Variants in MACROD2 observed in about 807,000 individuals in gnomAD.
The protein encoded by MACROD2 is mono-ADP ribosylhydrolase 2.
In MACROD2, 36 loss-of-function variants were observed where a neutral mutation model predicts 70.4. The ratio of observed to expected loss-of-function variants is 0.51; its 90% CI spans 0.39 to 0.68. MACROD2 has a LOEUF of 0.68. Among genes scored for constraint, MACROD2 ranks in the 30% least tolerant of loss-of-function variants. MACROD2 has a pLI of 0.00. For missense variants in MACROD2, 496 were observed against 538.4 expected (o/e 0.92, Z 0.78); for synonymous variants, 172 against 178.8 (o/e 0.96, Z 0.30).
At chr20:15,866,194 T>G (rs1448739199) in intron 9 of MACROD2, among the ~76,000 whole-genome samples, 1 of 152,132 alleles carries the variant, frequency 6.6e-6, no homozygotes, top group Non-Finnish European at 1.5e-5. Context: ...CAGGCTAGCC[T>G]GGGCAACATA....
chr20:15,756,841 G>A (rs1568543463), intron 8 of MACROD2, among the ~76,000 whole-genome samples: 1 of 152,168 alleles, frequency 6.6e-6, no homozygotes, highest in Non-Finnish European at 1.5e-5. Flanking sequence ...TCCAAGTTTG[G>A]ATAATTTTAG....
intron 8 of MACROD2, among the ~76,000 whole-genome samples, chr20:15,563,633 A>G (rs1434635632): frequency 6.6e-6 from 1 of 152,250 alleles, no homozygotes; most frequent in African/African-American, 2.4e-5. Context: ...GTTTAAAAGA[A>G]AAATGCATTT....
intron 6 of MACROD2, among the ~76,000 whole-genome samples, chr20:15,323,190 C>T (rs2077891215): frequency 6.6e-6 from 1 of 152,196 alleles, no homozygotes; most frequent in African/African-American, 2.4e-5. Flanking sequence ...TCTTGACAAA[C>T]AGCCAAATTT....
intron 5 of MACROD2, among the ~76,000 whole-genome samples, chr20:14,804,528 A>G (rs2072615712): frequency 6.6e-6 from 1 of 152,038 alleles, no homozygotes; most frequent in Non-Finnish European, 1.5e-5. Flanking sequence ...ACATAGGTCC[A>G]TGGAAAACAG....
intron 8 of MACROD2, among the ~76,000 whole-genome samples, chr20:15,743,036 T>C (rs1296616149): frequency 6.6e-6 from 1 of 152,222 alleles, no homozygotes; most frequent in Non-Finnish European, 1.5e-5. Context: ...TTTATTAACT[T>C]TAACATTTCA....
rs576975911 is a variant in MACROD2, at chr20:15,811,277, G to C, written c.646-51468G>C. Among the ~76,000 whole-genome samples, 897 of 151,598 alleles carry C rather than the reference G, an allele frequency of 5.9e-3. 9 individuals are homozygous for C. Among genetic ancestry groups the C allele is most frequent in the Non-Finnish European group, 9.9e-3 (670 of 67,886 alleles). On this transcript the variant is annotated intron_variant, in intron 8 of 17. Transcript: ENST00000684519. ...ACAACCCCATCAAAAAGTGGGCAAA[G>C]GATATGAACAGACACTTCTCAAAAG...
At chr20:15,633,219 G>GT (rs11478505) in intron 8 of MACROD2, among the ~76,000 whole-genome samples, 19 of 151,008 alleles carry the variant, frequency 1.3e-4, no homozygotes, top group African/African-American at 3.4e-4. Flanking sequence ...AAGAGGACTA[G>GT]TTTTTTTTTT....
chr20:15,803,166 T>C (rs1038958554), intron 8 of MACROD2, among the ~76,000 whole-genome samples: 6 of 152,084 alleles, frequency 3.9e-5, no homozygotes, highest in African/African-American at 1.5e-4. Flanking sequence ...CCTATGAGGC[T>C]AGCATCACTC....
chr20:14,344,872 C>A (rs2083048051), intron 3 of MACROD2, among the ~76,000 whole-genome samples: 1 of 152,146 alleles, frequency 6.6e-6, no homozygotes, highest in African/African-American at 2.4e-5. Context: ...ACTGTTTGAG[C>A]AGCTTTGGAT....
intron 8 of MACROD2, among the ~76,000 whole-genome samples, chr20:15,715,521 TAATC>T (rs551069224): frequency 5.3e-5 from 8 of 152,280 alleles, no homozygotes; most frequent in African/African-American, 9.6e-5. Flanking sequence ...CATAAAAAGA[TAATC>T]AAGGCTCCAT....
At chr20:14,756,628 CT>C (rs1046384483) in intron 5 of MACROD2, among the ~76,000 whole-genome samples, 1 of 152,088 alleles carries the variant, frequency 6.6e-6, no homozygotes, top group African/African-American at 2.4e-5. Context: ...CAATCTTGAT[CT>C]AATGAGGCTT....
At chr20:15,945,432 C>A (rs895350273) in intron 12 of MACROD2, among the ~76,000 whole-genome samples, 1 of 152,162 alleles carries the variant, frequency 6.6e-6, no homozygotes, top group Non-Finnish European at 1.5e-5. Context: ...GATAAACAAG[C>A]ACTTTTTTTC....
intron 5 of MACROD2, among the ~76,000 whole-genome samples, chr20:15,070,459 C>T (rs536184309): frequency 2.6e-5 from 4 of 152,184 alleles, no homozygotes; most frequent in African/African-American, 7.2e-5. Flanking sequence ...GCCTGGATAT[C>T]TGTCCTCTCC....
intron 3 of MACROD2, among the ~76,000 whole-genome samples, chr20:14,231,428 T>C (rs2081811573): frequency 6.6e-6 from 1 of 152,232 alleles, no homozygotes; most frequent in Non-Finnish European, 1.5e-5. Context: ...CTGAGAATGA[T>C]GGTTTCCAGC....
At chr20:15,162,094 C>T (rs1301672347) in intron 5 of MACROD2, among the ~76,000 whole-genome samples, 1 of 151,940 alleles carries the variant, frequency 6.6e-6, no homozygotes, top group African/African-American at 2.4e-5. Flanking sequence ...GACTAAATAT[C>T]GTGAAGAGTC....
At chr20:15,219,900 A>C (rs1420168343) in intron 5 of MACROD2, among the ~76,000 whole-genome samples, 1 of 151,662 alleles carries the variant, frequency 6.6e-6, no homozygotes, top group East Asian at 1.9e-4. Flanking sequence ...AAAATGAGCA[A>C]TATGCAGATG....
chr20:15,464,678 C>A (rs1191039688), intron 7 of MACROD2, among the ~76,000 whole-genome samples: 1 of 152,266 alleles, frequency 6.6e-6, no homozygotes, highest in East Asian at 1.9e-4. Flanking sequence ...ATCATCTGAC[C>A]CTTATGTACC....
At chr20:15,967,684 A>C in intron 13 of MACROD2, 54 bp downstream of exon 13, 19 of 1,007,164 alleles carry the variant, frequency 1.9e-5, no homozygotes, top group South Asian at 4.1e-5. Flanking sequence ...GGAAACAGAA[A>C]AAAAAAAAAA....
chr20:15,777,641 T>TCC (rs2051754242), intron 8 of MACROD2, among the ~76,000 whole-genome samples: 1 of 105,380 alleles, frequency 9.5e-6, no homozygotes, highest in Non-Finnish European at 1.9e-5. Context: ...TTCCTTCCTC[T>TCC]CTCTCTCTCT....
Sources: allele counts gnomAD v4.1 joint callset (sites outside exome capture counted in the v4.1 genomes callset), GRCh38; gene constraint gnomAD v4.1.1; transcripts MANE v1.5; gene names NCBI Gene and HGNC (gene_info 2026-07-23, HGNC 2026-07-21).